AGBL4: variants seen among roughly 807,000 people sequenced by gnomAD.
AGBL4 encodes cytosolic carboxypeptidase 6.
AGBL4 carries 58 observed loss-of-function variants against 66.4 expected under a neutral mutation model. That is an observed-to-expected ratio of 0.87 (90% CI 0.71 to 1.09). The LOEUF is 1.09. AGBL4 is among the 50% of genes least tolerant of loss of function. The probability of loss-of-function intolerance (pLI) is 0.00; values close to 1 mark genes in which losing one functional copy is unlikely to be tolerated. For missense variants in AGBL4, 579 were observed against 631.0 expected, an observed-to-expected ratio of 0.92 and a Z score of 0.88; for synonymous variants, 234 against 222.9, an observed-to-expected ratio of 1.05 and a Z score of -0.44.
intron 5 of AGBL4, among the ~76,000 whole-genome samples, chr1:49,004,796 C>T (rs1661652428): frequency 1.3e-5 from 2 of 152,168 alleles, no homozygotes; most frequent in South Asian, 4.2e-4. Flanking sequence ...TAGACAACTT[C>T]ACCTCAGAAA....
rs1471675886 is a variant in AGBL4 at position 48,759,012 on chromosome 1, C to T, written c.635-95771G>A. 3.1e-6 allele frequency: 5 copies of T among 1,613,998 alleles called. No individual in the cohort carries two copies. In the East Asian group the frequency reaches 1.1e-4, roughly 36 times the overall value. On this transcript the variant is annotated intron_variant, in intron 6 of 13. Coordinates refer to ENST00000371839, the MANE Select transcript of AGBL4 (RefSeq NM_032785.4). The stretch of plus-strand genomic sequence containing the variant: ...CCTTGAGCTTCTTGGCCTGTTGTAC[C>T]AGCTGCCTCCGAGTCCGCTCCAGCT...
At chr1:49,255,256 C>T (rs1406097803) in intron 3 of AGBL4, among the ~76,000 whole-genome samples, 1 of 151,998 alleles carries the variant, frequency 6.6e-6, no homozygotes, top group East Asian at 1.9e-4. Flanking sequence ...AAAAAATTTG[C>T]AAACTATCAG....
chr1:49,461,605 C>T (rs1335703110), intron 3 of AGBL4, among the ~76,000 whole-genome samples: 2 of 150,340 alleles, frequency 1.3e-5, no homozygotes, highest in Non-Finnish European at 3.0e-5. Flanking sequence ...TCTCCTAATG[C>T]TATCCCTCCC....
intron 2 of AGBL4, among the ~76,000 whole-genome samples, chr1:49,828,980 A>G (rs1016411249): frequency 1.3e-5 from 2 of 152,048 alleles, no homozygotes; most frequent in African/African-American, 4.8e-5. Context: ...GAGGCAGGAG[A>G]ATGGCGTGAA....
intron 5 of AGBL4, among the ~76,000 whole-genome samples, chr1:48,871,551 T>C (rs1426796609): frequency 1.3e-5 from 2 of 152,098 alleles, no homozygotes; most frequent in East Asian, 1.9e-4. Context: ...GGAGTAGATA[T>C]GTGGACTCCT....
intron 2 of AGBL4, among the ~76,000 whole-genome samples, chr1:49,727,137 G>T (rs1021605993): frequency 4.6e-5 from 7 of 152,128 alleles, no homozygotes; most frequent in East Asian, 1.9e-4. Flanking sequence ...CTAGTTGAGG[G>T]TGACAAGTTG....
At chr1:48,930,954 G>A (rs1380923333) in intron 5 of AGBL4, among the ~76,000 whole-genome samples, 2 of 152,098 alleles carry the variant, frequency 1.3e-5, no homozygotes, top group African/African-American at 4.8e-5. Flanking sequence ...CAATAACAAT[G>A]GCTATTATTT....
intron 1 of AGBL4, among the ~76,000 whole-genome samples, chr1:49,916,297 G>A (rs1651483456): frequency 1.3e-5 from 2 of 152,124 alleles, no homozygotes; most frequent in South Asian, 4.1e-4. Flanking sequence ...AGCTAAAGGA[G>A]GAAGTTCGAA....
chr1:49,178,671 C>T (rs538869803), intron 4 of AGBL4, among the ~76,000 whole-genome samples: 20 of 152,242 alleles, frequency 1.3e-4, no homozygotes, highest in Admixed American at 1.3e-3. Flanking sequence ...TTTATGAGAA[C>T]AAGGACCATT....
intron 3 of AGBL4, among the ~76,000 whole-genome samples, chr1:49,566,171 T>C (rs1440777657): frequency 2.0e-5 from 3 of 152,232 alleles, no homozygotes; most frequent in Non-Finnish European, 2.9e-5. Flanking sequence ...TAAGGACTTC[T>C]CTGCATTGGT....
chr1:49,521,439 A>G (rs1224297984), intron 3 of AGBL4, among the ~76,000 whole-genome samples: 1 of 152,050 alleles, frequency 6.6e-6, no homozygotes. Context: ...CAGAATAGAG[A>G]ATCCAGAATA....
At chr1:49,193,420 T>A (rs1382923388) in intron 4 of AGBL4, among the ~76,000 whole-genome samples, 1 of 151,450 alleles carries the variant, frequency 6.6e-6, no homozygotes, top group African/African-American at 2.4e-5. Flanking sequence ...ATTTCAAAAT[T>A]TTTTTTTAAT....
At chr1:49,557,267 A>G (rs1643926550) in intron 3 of AGBL4, among the ~76,000 whole-genome samples, 1 of 152,286 alleles carries the variant, frequency 6.6e-6, no homozygotes, top group Admixed American at 6.5e-5. Flanking sequence ...ACCTCTCACA[A>G]GGACACCAAT....
chr1:49,822,511 A>G (rs1645396521), intron 2 of AGBL4, among the ~76,000 whole-genome samples: 3 of 152,174 alleles, frequency 2.0e-5, no homozygotes, highest in Admixed American at 1.3e-4. Context: ...TTTAGTAGAG[A>G]TGGGGTTTTG....
chr1:48,604,910 C>A (rs1378409898), intron 9 of AGBL4, among the ~76,000 whole-genome samples: 4 of 152,196 alleles, frequency 2.6e-5, no homozygotes, highest in Admixed American at 1.3e-4. Context: ...GCCCCTTCAT[C>A]CATATCTACA....
Position 49,571,070 on chromosome 1 carries a change from T to C in AGBL4, c.282+126243A>G, listed in dbSNP as rs558009011. Reference sequence around the variant, plus strand: ...CTAGGATTGCTTTGTTTATTTGGGCTCTTTCATAGTACCATATGTATTTTA... The same window carrying C: ...CTAGGATTGCTTTGTTTATTTGGGCCCTTTCATAGTACCATATGTATTTTA... On this transcript the variant is annotated intron_variant, in intron 3 of 13. Coordinates refer to ENST00000371839, the MANE Select transcript of AGBL4 (RefSeq NM_032785.4). Among the ~76,000 whole-genome samples the C allele has an allele frequency of 2.8e-4, 43 of 152,148 alleles. 2 individuals carry two copies. In the South Asian group the frequency reaches 8.5e-3, roughly 30 times the overall value.
intron 6 of AGBL4, among the ~76,000 whole-genome samples, chr1:48,726,216 C>T (rs1053067670): frequency 1.3e-5 from 2 of 152,174 alleles, no homozygotes; most frequent in Non-Finnish European, 2.9e-5. Flanking sequence ...CAACTATTCC[C>T]CCCTTAACCT....
rs372559169 is a variant in AGBL4 at position 49,020,007 on chromosome 1, TA to T, written c.594+25576del. ...CATTCAGTAAATGTTAGCTTTGGTT[TA>T]TATTACCCCTGACAAATACCCTGAA... On this transcript the variant is annotated intron_variant, in intron 5 of 13. Coordinates refer to ENST00000371839, the MANE Select transcript of AGBL4 (RefSeq NM_032785.4). Among the ~76,000 whole-genome samples the T allele has an allele frequency of 2.5e-4, 38 of 152,344 alleles. 1 individual carries two copies. The highest frequency in any genetic ancestry group is 9.1e-4 in the African/African-American group (38 of 41,580).
chr1:48,801,125 C>T (rs1044246269), intron 6 of AGBL4, among the ~76,000 whole-genome samples: 2 of 152,144 alleles, frequency 1.3e-5, no homozygotes, highest in African/African-American at 4.8e-5. Flanking sequence ...AGGCTTCACC[C>T]AGCTCCCACA....
Sources: gnomAD v4.1 joint callset for allele counts (sites outside exome capture counted in the v4.1 genomes callset) on GRCh38, gnomAD v4.1.1 for gene constraint, MANE v1.5 for transcripts, NCBI Gene and HGNC (gene_info 2026-07-23, HGNC 2026-07-21) for gene names.